The following IL1RAPL1 variants were observed in gnomAD, a reference collection of about 807,000 sequenced individuals.
IL1RAPL1 encodes the protein interleukin-1 receptor accessory protein-like 1.
A neutral mutation model predicts 48.4 loss-of-function variants in IL1RAPL1; 3 were observed. The ratio of observed to expected loss-of-function variants is 0.06; its 90% CI spans 0.03 to 0.16. The LOEUF (loss-of-function observed/expected upper bound fraction) is 0.16, where lower values mean the gene tolerates loss of function less well. Among genes scored for constraint, IL1RAPL1 ranks in the 10% least tolerant of loss-of-function variants. IL1RAPL1 has a pLI of 1.00. For synonymous variants in IL1RAPL1, 185 were observed against 187.7 expected, an observed-to-expected ratio of 0.99 and a Z score of 0.12; for missense variants, 349 against 530.6, an observed-to-expected ratio of 0.66 and a Z score of 3.36.
chrX:29,729,316 AT>A (rs1272605005), intron 6 of IL1RAPL1, among the ~76,000 whole-genome samples: 4 of 109,158 alleles, frequency 3.7e-5, no homozygotes, highest in Non-Finnish European at 7.6e-5. Flanking sequence ...TTAATATTCC[AT>A]TTTTTTTCAG....
chrX:29,552,565 G>A (rs941062247), intron 5 of IL1RAPL1, among the ~76,000 whole-genome samples: 1 of 110,596 alleles, frequency 9.0e-6, no homozygotes, highest in African/African-American at 3.3e-5. Context: ...TGTATACTTC[G>A]GTGGCATTAG....
At chrX:28,767,079 A>G (rs779797767) in intron 1 of IL1RAPL1, among the ~76,000 whole-genome samples, 41 of 111,432 alleles carry the variant, frequency 3.7e-4, no homozygotes, top group Non-Finnish European at 7.0e-4. Context: ...GCTGGATCAT[A>G]TGGTATCTCT....
chrX:29,803,193 AT>A (rs1356302345), intron 6 of IL1RAPL1, among the ~76,000 whole-genome samples: 2 of 32,232 alleles, frequency 6.2e-5, no homozygotes, highest in Non-Finnish European at 1.2e-4. Flanking sequence ...GTATATATGT[AT>A]ACATATACAC....
chrX:29,309,067 A>G (rs968198653), intron 3 of IL1RAPL1, among the ~76,000 whole-genome samples: 1 of 112,714 alleles, frequency 8.9e-6, no homozygotes, highest in Non-Finnish European at 1.9e-5. Context: ...CCTATAGGAC[A>G]TAAGTCAATA....
At chrX:29,102,953 C>T (rs182559759) in intron 2 of IL1RAPL1, among the ~76,000 whole-genome samples, 2 of 111,602 alleles carry the variant, frequency 1.8e-5, no homozygotes, top group East Asian at 5.7e-4. Flanking sequence ...AACTATAAAA[C>T]GTTGAATAAA....
intron 2 of IL1RAPL1, among the ~76,000 whole-genome samples, chrX:29,150,135 A>G (rs913994944): frequency 8.9e-6 from 1 of 112,551 alleles, no homozygotes; most frequent in Non-Finnish European, 1.9e-5. Context: ...GAGGTAACAA[A>G]GCAGTATACC....
intron 1 of IL1RAPL1, among the ~76,000 whole-genome samples, chrX:28,690,061 A>G (rs1935159227): frequency 9.0e-6 from 1 of 110,617 alleles, no homozygotes; most frequent in South Asian, 3.8e-4. Context: ...TGCTCTCTGG[A>G]TTCCAGGTAG....
chrX:28,657,727 C>T (rs1272915809), intron 1 of IL1RAPL1, among the ~76,000 whole-genome samples: 1 of 112,089 alleles, frequency 8.9e-6, no homozygotes, highest in Non-Finnish European at 1.9e-5. Context: ...TTTTGATGTG[C>T]ATCCAAAATG....
At position 29,467,016 on chromosome X, in the gene IL1RAPL1, T is replaced by A. The variant is rs377012757; in HGVS notation, c.703+67708T>A. Among the ~76,000 whole-genome samples the A allele has an allele frequency of 4.1e-4, 46 of 110,966 alleles. No homozygotes were observed. In the East Asian group the frequency reaches 0.013, roughly 32 times the overall value. On this transcript the variant is annotated intron_variant, in intron 5 of 10. Coordinates refer to ENST00000378993, the MANE Select transcript of IL1RAPL1 (RefSeq NM_014271.4). ...GAAACTGCAGGATAGGCCCAGTAAT[T>A]TGTGTTTTTATAAGCCTTCTAGTGA...
chrX:29,007,687 A>G (rs1291667014), intron 2 of IL1RAPL1, among the ~76,000 whole-genome samples: 1 of 111,889 alleles, frequency 8.9e-6, no homozygotes, highest in African/African-American at 3.2e-5. Context: ...AATGGAGGGG[A>G]CATGCTAAGT....
intron 5 of IL1RAPL1, among the ~76,000 whole-genome samples, chrX:29,445,197 G>T (rs951762714): frequency 8.9e-6 from 1 of 112,048 alleles, no homozygotes. Context: ...CTATTTTCTG[G>T]AATGTTTCTA....
chrX:29,547,238 C>T (rs1911861508), intron 5 of IL1RAPL1, among the ~76,000 whole-genome samples: 1 of 111,061 alleles, frequency 9.0e-6, no homozygotes, highest in Admixed American at 9.6e-5. Flanking sequence ...CTAACTTTTT[C>T]GTGAGTTGTT....
intron 3 of IL1RAPL1, among the ~76,000 whole-genome samples, chrX:29,329,375 T>C (rs767957234): frequency 8.0e-5 from 9 of 112,060 alleles, no homozygotes; most frequent in Non-Finnish European, 1.7e-4. Flanking sequence ...TGAAAATACA[T>C]GTTCACATAA....
At chrX:29,576,333 C>T (rs1167387582) in intron 5 of IL1RAPL1, among the ~76,000 whole-genome samples, 1 of 112,003 alleles carries the variant, frequency 8.9e-6, no homozygotes, top group Admixed American at 9.4e-5. Flanking sequence ...CCTTATAATT[C>T]TAATGATTTG....
At chrX:29,133,043 A>C (rs1239685506) in intron 2 of IL1RAPL1, among the ~76,000 whole-genome samples, 1 of 111,205 alleles carries the variant, frequency 9.0e-6, no homozygotes, top group Non-Finnish European at 1.9e-5. Flanking sequence ...TATTGTGAGG[A>C]TAATTTTTCA....
At chrX:29,120,488 C>A (rs946781113) in intron 2 of IL1RAPL1, among the ~76,000 whole-genome samples, 3 of 111,102 alleles carry the variant, frequency 2.7e-5, no homozygotes, top group Non-Finnish European at 3.8e-5. Flanking sequence ...TATTCTGTTC[C>A]ATTGGTTTAT....
At chrX:29,062,208 T>A (rs1033949535) in intron 2 of IL1RAPL1, among the ~76,000 whole-genome samples, 1 of 112,243 alleles carries the variant, frequency 8.9e-6, no homozygotes, top group Non-Finnish European at 1.9e-5. Flanking sequence ...ACAGGTATAG[T>A]CTCCTAGAAA....
intron 5 of IL1RAPL1, among the ~76,000 whole-genome samples, chrX:29,587,618 T>C (rs1923224532): frequency 8.9e-6 from 1 of 112,102 alleles, no homozygotes; most frequent in African/African-American, 3.2e-5. Flanking sequence ...CAAAACATCA[T>C]GTTATAACTA....
At chrX:29,393,731 T>A (rs1477923796) in intron 3 of IL1RAPL1, among the ~76,000 whole-genome samples, 2 of 110,427 alleles carry the variant, frequency 1.8e-5, no homozygotes, top group Non-Finnish European at 3.8e-5. Context: ...TTTGTTTTTT[T>A]TTTTAATTCT....
Sources: allele counts gnomAD v4.1 joint callset (sites outside exome capture counted in the v4.1 genomes callset), GRCh38; gene constraint gnomAD v4.1.1; transcripts MANE v1.5; gene names NCBI Gene and HGNC (gene_info 2026-07-23, HGNC 2026-07-21).